The following DZIP3 variants were observed in gnomAD, a reference collection of about 807,000 sequenced individuals.
DZIP3 encodes the protein DAZ interacting zinc finger protein 3.
In DZIP3, 118 loss-of-function variants were observed where a neutral mutation model predicts 162.0. The observed-to-expected ratio is 0.73, with a 90% confidence interval of 0.63 to 0.85. DZIP3 has a LOEUF of 0.85. Ranked by LOEUF, DZIP3 falls within the 40% of genes least tolerant of loss-of-function variation. DZIP3 has a pLI of 0.00. For synonymous variants in DZIP3, 438 were observed against 458.6 expected, an observed-to-expected ratio of 0.96 and a Z score of 0.57; for missense variants, 1,331 against 1,407.0, an observed-to-expected ratio of 0.95 and a Z score of 0.86.
At chr3:108,619,230 G>A (rs1941194386) in intron 5 of DZIP3, among the ~76,000 whole-genome samples, 4 of 152,014 alleles carry the variant, frequency 2.6e-5, no homozygotes, top group South Asian at 4.2e-4. Context: ...ATGAGCAGAG[G>A]AGTCCAGGGT....
At chr3:108,659,796 G>C (rs1391636492) in intron 19 of DZIP3, among the ~76,000 whole-genome samples, 3 of 152,140 alleles carry the variant, frequency 2.0e-5, no homozygotes, top group Non-Finnish European at 4.4e-5. Context: ...AAAGTCTCAG[G>C]ATATAAAATC....
chr3:108,597,401 T>C (rs1198443240), intron 1 of DZIP3, among the ~76,000 whole-genome samples: 1 of 146,710 alleles, frequency 6.8e-6, no homozygotes, highest in African/African-American at 2.5e-5. Flanking sequence ...TTGCCTTGCC[T>C]TTTTTTTTTA....
At position 108,694,798 on chromosome 3, in the gene DZIP3, A is replaced by G. The variant is rs1474457205; in HGVS notation, c.*1445A>G. ...TTCTTAGTTCATACTTACAACTGCA[A>G]TTTCACTTTCATTTAGAAAAGAATA... On this transcript the variant is annotated 3_prime_UTR_variant, in exon 33 of 33. Transcript: ENST00000361582. 1 of 152,198 alleles carries G rather than the reference A, an allele frequency of 6.6e-6. No individual in the cohort carries two copies. Among genetic ancestry groups the G allele is most frequent in the Non-Finnish European group, 1.5e-5 (1 of 68,028 alleles). The allele number at this position is 152,198 out of a possible 1,614,324, so 9.4% of individuals were successfully genotyped here. A position where few individuals can be genotyped will look rare whatever the true frequency, so the allele number is the denominator to read the frequency against.
At chr3:108,672,417 C>A in intron 22 of DZIP3, 143 bp from the exon 23 acceptor site, 1 of 663,084 alleles carries the variant, frequency 1.5e-6, no homozygotes, top group South Asian at 2.0e-5. Flanking sequence ...AACAATGTAT[C>A]TTCTCTTGTT....
At position 108,637,328 on chromosome 3, in the gene DZIP3, T is replaced by C. The variant is rs374202839; in HGVS notation, c.1012-168T>C. ...TTTAAGGTCAACTCTAGTTCGTTTT[T>C]TTGATCAGGATTATTTATTACTTAC... On this transcript the variant is annotated intron_variant, in intron 11 of 32. Transcript: ENST00000361582. Among the ~76,000 whole-genome samples, 53 of 152,216 alleles carry C rather than the reference T, an allele frequency of 3.5e-4. No individual in the cohort carries two copies. In the South Asian group the frequency reaches 0.011, roughly 32 times the overall value.
chr3:108,672,697 A>G lies in DZIP3; in HGVS notation c.2589+41A>G, dbSNP rs747502050. The G allele has an allele frequency of 6.7e-6, 10 of 1,484,138 alleles. No individual in the cohort carries two copies. The African/African-American group carries it at 8.4e-5, about 12-fold the overall frequency. 91.9% of individuals were successfully genotyped at this position (1,484,138 alleles called of 1,614,324 possible). A position where few individuals can be genotyped will look rare whatever the true frequency, so the allele number is the denominator to read the frequency against. On this transcript the variant is annotated intron_variant, in intron 23 of 32. Coordinates refer to ENST00000361582, the MANE Select transcript of DZIP3 (RefSeq NM_014648.4). ...GGACAGGGGTATGGGGTGAGGGGAA[A>G]AGTTTTACTTGTATACCATCATACT...
At chr3:108,651,707 A>C (rs1474275719) in intron 18 of DZIP3, among the ~76,000 whole-genome samples, 1 of 151,768 alleles carries the variant, frequency 6.6e-6, no homozygotes. Flanking sequence ...CTTTAATGGA[A>C]ACATTTTAAT....
intron 8 of DZIP3, among the ~76,000 whole-genome samples, chr3:108,632,549 AC>A (rs1295185957): frequency 6.6e-6 from 1 of 152,252 alleles, no homozygotes; most frequent in Non-Finnish European, 1.5e-5. Flanking sequence ...CAATGCAGTG[AC>A]CTACAGGTTG....
In DZIP3 at chr3:108,644,395, A is replaced by G; in HGVS notation, c.1373A>G (p.Glu458Gly). The change falls in exon 14 of 33, where the codon GAG becomes GGG. Residue 458 changes from glutamate (E) to glycine (G), a missense_variant. Transcript: ENST00000361582. ...CATCTGCTTTATCCTCCTAACAAGGAGTTACCGCAATCCAAACAGTTTGAC... is the reference window on the plus strand; with the variant it reads ...CATCTGCTTTATCCTCCTAACAAGGGGTTACCGCAATCCAAACAGTTTGAC... Reference protein sequence around the residue: ...SWHLLYPPNKELPQSKQFDLC... With the variant: ...SWHLLYPPNKGLPQSKQFDLC... 1.9e-6 allele frequency: 3 copies of G among 1,614,072 alleles called. No homozygotes were observed. Among genetic ancestry groups the G allele is most frequent in the Non-Finnish European group, 2.5e-6 (3 of 1,179,966 alleles).
chr3:108,679,295 T>C (rs1165273439), intron 26 of DZIP3, among the ~76,000 whole-genome samples: 1 of 152,124 alleles, frequency 6.6e-6, no homozygotes, highest in African/African-American at 2.4e-5. Context: ...ACAAGTGATA[T>C]TCTTTAGCTG....
chr3:108,674,408 A>T (rs778858169), intron 24 of DZIP3, among the ~76,000 whole-genome samples: 6 of 151,646 alleles, frequency 4.0e-5, no homozygotes, highest in African/African-American at 9.7e-5. Context: ...CTCAAAAGTC[A>T]TTTAGTTACT....
At chr3:108,603,112 A>G (rs989896544) in intron 1 of DZIP3, 5 of 152,130 alleles carry the variant, frequency 3.3e-5, no homozygotes, top group Non-Finnish European at 5.9e-5. Flanking sequence ...GCTGTGATCT[A>G]TGCAAACAGC....
chr3:108,650,797 T>G (rs956695722), intron 17 of DZIP3, among the ~76,000 whole-genome samples: 1 of 151,666 alleles, frequency 6.6e-6, no homozygotes, highest in Non-Finnish European at 1.5e-5. Context: ...CTCTATCATC[T>G]GAATCAGTGA....
rs1039124228 is a variant in DZIP3, at chr3:108,644,443, T to C, written c.1421T>C (p.Ile474Thr). Residue 474 changes from isoleucine (I) to threonine (T), a missense_variant, in exon 14 of 33, where the codon ATA becomes ACA. Coordinates refer to ENST00000361582, the MANE Select transcript of DZIP3 (RefSeq NM_014648.4). ...QFDLCLLLALIKHLNVFPAPK... is the reference protein window; with the variant it reads ...QFDLCLLLALTKHLNVFPAPK... ...GACTTATGCCTCCTGTTAGCTCTTA[T>C]AAAACATTTAAATGTGTTCCCTGCA... The C allele has an allele frequency of 1.9e-6, 3 of 1,614,068 alleles. No individual in the cohort carries two copies. Among genetic ancestry groups the C allele is most frequent in the East Asian group, 2.2e-5 (1 of 44,860 alleles).
chr3:108,690,268 G>A (rs1944644477), intron 31 of DZIP3, among the ~76,000 whole-genome samples: 1 of 152,056 alleles, frequency 6.6e-6, no homozygotes, highest in Admixed American at 6.6e-5. Context: ...TTTGTTTTTG[G>A]AGAGTCAGCA....
At chr3:108,598,377 T>C (rs980748836) in intron 1 of DZIP3, among the ~76,000 whole-genome samples, 3 of 152,222 alleles carry the variant, frequency 2.0e-5, no homozygotes, top group African/African-American at 7.2e-5. Flanking sequence ...ATCAGATGTT[T>C]ATTCAAGGTG....
chr3:108,636,832 A>G, intron 11 of DZIP3, 124 bp downstream of exon 11: 1 of 658,560 alleles, frequency 1.5e-6, no homozygotes, highest in South Asian at 2.0e-5. Context: ...TTTAATGGTG[A>G]CTGAGCTCTT....
intron 1 of DZIP3, among the ~76,000 whole-genome samples, chr3:108,591,360 A>G (rs1939406010): frequency 6.6e-6 from 1 of 152,246 alleles, no homozygotes; most frequent in Non-Finnish European, 1.5e-5. Context: ...TCAGTGCCTC[A>G]TTGGCAAATG....
chr3:108,654,686 T>A (rs1943030525), intron 19 of DZIP3, among the ~76,000 whole-genome samples: 1 of 152,154 alleles, frequency 6.6e-6, no homozygotes, highest in African/African-American at 2.4e-5. Context: ...CTTTCATTTT[T>A]AAAAATTAAA....
Sources: gnomAD v4.1 joint callset for allele counts (sites outside exome capture counted in the v4.1 genomes callset) on GRCh38, gnomAD v4.1.1 for gene constraint, MANE v1.5 for transcripts, NCBI Gene and HGNC (gene_info 2026-07-23, HGNC 2026-07-21) for gene names.